CD44: variants seen among roughly 807,000 people sequenced by gnomAD.
The protein encoded by CD44 is CD44 antigen.
A neutral mutation model predicts 88.8 loss-of-function variants in CD44; 49 were observed. The observed-to-expected ratio is 0.55, with a 90% confidence interval of 0.44 to 0.70. The LOEUF is 0.70. CD44 is among the 30% of genes least tolerant of loss of function. The probability of loss-of-function intolerance (pLI) is 0.00; values close to 1 mark genes in which losing one functional copy is unlikely to be tolerated. For synonymous variants in CD44, 325 were observed against 312.3 expected (o/e 1.04, Z -0.43); for missense variants, 883 against 913.8 (o/e 0.97, Z 0.43).
chr11:35,140,596 G>A (rs955444108), intron 1 of CD44, among the ~76,000 whole-genome samples: 16 of 152,292 alleles, frequency 1.1e-4, no homozygotes, highest in African/African-American at 3.6e-4. Flanking sequence ...GTGACCCTAG[G>A]TGGAGGCTAG....
At chr11:35,187,619 A>C (rs949312990) in intron 4 of CD44, among the ~76,000 whole-genome samples, 1 of 152,232 alleles carries the variant, frequency 6.6e-6, no homozygotes, top group Non-Finnish European at 1.5e-5. Context: ...AAGAAAAATT[A>C]AATAATGTTC....
chr11:35,168,081 C>A (rs1425671603), intron 1 of CD44, among the ~76,000 whole-genome samples: 2 of 152,178 alleles, frequency 1.3e-5, no homozygotes, highest in Non-Finnish European at 2.9e-5. Flanking sequence ...TCCACTGAAG[C>A]CTTACCAGGC....
intron 1 of CD44, among the ~76,000 whole-genome samples, chr11:35,166,643 C>CA (rs1943306144): frequency 6.6e-6 from 1 of 152,150 alleles, no homozygotes; most frequent in Admixed American, 6.5e-5. Context: ...CCAGGCTCCA[C>CA]GGAAAAAAGG....
chr11:35,181,998 T>TATATAAATA, intron 3 of CD44, among the ~76,000 whole-genome samples: 3 of 113,004 alleles, frequency 2.7e-5, no homozygotes, highest in African/African-American at 3.5e-5. Context: ...TAAATTTATA[T>TATATAAATA]TTATATATAT....
intron 1 of CD44, among the ~76,000 whole-genome samples, chr11:35,143,990 C>A (rs552630695): frequency 6.6e-6 from 1 of 152,304 alleles, no homozygotes; most frequent in South Asian, 2.1e-4. Context: ...ACCCAGAGAC[C>A]CACTCCTCAC....
chr11:35,157,239 C>T (rs775372969), intron 1 of CD44, among the ~76,000 whole-genome samples: 11 of 152,096 alleles, frequency 7.2e-5, no homozygotes, highest in Admixed American at 1.3e-4. Context: ...TTGTGACTTA[C>T]CATGGTGGAT....
At chr11:35,176,039 ATTTTTT>A (rs201610565) in intron 1 of CD44, among the ~76,000 whole-genome samples, 57 of 102,248 alleles carry the variant, frequency 5.6e-4, no homozygotes, top group Admixed American at 2.2e-3. Flanking sequence ...TAATTTTTGT[ATTTTTT>A]TTTTTTTTTT....
intron 11 of CD44, among the ~76,000 whole-genome samples, chr11:35,206,996 A>T (rs141326556): frequency 4.2e-4 from 64 of 152,346 alleles, no homozygotes; most frequent in African/African-American, 1.5e-3. Flanking sequence ...GGACAATACA[A>T]TTGGCTTCAA....
At chr11:35,159,853 G>A (rs966410391) in intron 1 of CD44, among the ~76,000 whole-genome samples, 7 of 152,224 alleles carry the variant, frequency 4.6e-5, no homozygotes, top group African/African-American at 1.4e-4. Context: ...TTCCCATTCA[G>A]CTTCATGGGA....
chr11:35,143,865 G>A (rs1487636082), intron 1 of CD44, among the ~76,000 whole-genome samples: 1 of 152,216 alleles, frequency 6.6e-6, no homozygotes, highest in Non-Finnish European at 1.5e-5. Context: ...GGAATAAAGA[G>A]AGAGGTGGTT....
intron 9 of CD44, 64 bp from the exon 10 acceptor site, chr11:35,204,448 A>T: frequency 6.5e-7 from 1 of 1,540,960 alleles, no homozygotes; most frequent in Non-Finnish European, 8.9e-7. Context: ...GTAGAAAGAT[A>T]TGTTGACAGC....
chr11:35,143,065 T>G (rs976695657), intron 1 of CD44, among the ~76,000 whole-genome samples: 1 of 152,112 alleles, frequency 6.6e-6, no homozygotes, highest in Non-Finnish European at 1.5e-5. Context: ...CAACATTTGT[T>G]TCACACCTTA....
chr11:35,206,415 A>T (rs1947844809), intron 11 of CD44, among the ~76,000 whole-genome samples, 172 bp downstream of exon 11: 1 of 152,188 alleles, frequency 6.6e-6, no homozygotes, highest in Non-Finnish European at 1.5e-5. Flanking sequence ...ATTCACCTGA[A>T]TATGAAGTTC....
In CD44 at chr11:35,196,776, A is replaced by G; in HGVS notation, c.698A>G (p.Glu233Gly). ...ATGAGCACTAGTGCTACAGCAACTG[A>G]GACAGCAACCAAGAGGCAAGAAACC... ...TLMSTSATAT[E>G]TATKRQETWD... The change falls in exon 6 of 18, where the codon GAG (glutamate) becomes GGG (glycine). Residue 233 changes from glutamate (E) to glycine (G), a missense_variant. Transcript: ENST00000428726. 6.2e-7 allele frequency: 1 copy of G among 1,613,896 alleles called. No homozygotes were observed. Among genetic ancestry groups the G allele is most frequent in the Non-Finnish European group, 8.5e-7 (1 of 1,179,796 alleles).
chr11:35,147,554 AG>A (rs1470280407), intron 1 of CD44, among the ~76,000 whole-genome samples: 1 of 152,030 alleles, frequency 6.6e-6, no homozygotes, highest in East Asian at 1.9e-4. Context: ...GTCCACAGGA[AG>A]GGATGCAGGC....
intron 1 of CD44, among the ~76,000 whole-genome samples, chr11:35,145,883 A>T (rs1441101630): frequency 6.6e-6 from 1 of 152,244 alleles, no homozygotes; most frequent in Non-Finnish European, 1.5e-5. Context: ...GCAAATCCGT[A>T]GGGAATCCTG....
At chr11:35,155,986 C>G (rs1365557685) in intron 1 of CD44, among the ~76,000 whole-genome samples, 1 of 152,162 alleles carries the variant, frequency 6.6e-6, no homozygotes, top group Admixed American at 6.5e-5. Context: ...TATGAAAGGT[C>G]AAGATCACAG....
At position 35,178,418 on chromosome 11, in the gene CD44, C is replaced by T. The variant is rs537377695; in HGVS notation, c.233+1678C>T. Among the ~76,000 whole-genome samples, 15 of 152,248 alleles carry T rather than the reference C, an allele frequency of 9.9e-5. No individual in the cohort carries two copies. In the South Asian group the frequency reaches 1.7e-3, roughly 17 times the overall value. On this transcript the variant is annotated intron_variant, in intron 2 of 17. Transcript: ENST00000428726. ...CACCTCATTTTATGGATGAAGCAGC[C>T]GAGGCTTAGCGAATTTGCACACACA...
intron 4 of CD44, among the ~76,000 whole-genome samples, chr11:35,187,623 A>C (rs1945814876): frequency 6.6e-6 from 1 of 152,194 alleles, no homozygotes; most frequent in South Asian, 2.1e-4. Context: ...AAAATTAAAT[A>C]ATGTTCTTAA....
Sources: gnomAD v4.1 joint callset for allele counts (sites outside exome capture counted in the v4.1 genomes callset) on GRCh38, gnomAD v4.1.1 for gene constraint, MANE v1.5 for transcripts, NCBI Gene and HGNC (gene_info 2026-07-23, HGNC 2026-07-21) for gene names.